The following PAPPA2 variants were observed in gnomAD, a reference collection of about 807,000 sequenced individuals.
PAPPA2 encodes the protein pappalysin-2.
PAPPA2 carries 86 observed loss-of-function variants against 176.4 expected under a neutral mutation model. The observed-to-expected ratio is 0.49, with a 90% CI of 0.41 to 0.58. The LOEUF (loss-of-function observed/expected upper bound fraction) is 0.58. Among genes scored for constraint, PAPPA2 ranks in the 20% least tolerant of loss-of-function variants. The pLI, the probability that PAPPA2 is intolerant of heterozygous loss-of-function variation, is 0.00. For missense variants in PAPPA2, 2,073 were observed against 2,256.9 expected, an observed-to-expected ratio of 0.92 and a Z score of 1.65; for synonymous variants, 809 against 852.2, an observed-to-expected ratio of 0.95 and a Z score of 0.88.
intron 1 of PAPPA2, among the ~76,000 whole-genome samples, chr1:176,481,257 C>CACAG (rs1352013073): frequency 5.1e-5 from 3 of 59,090 alleles, no homozygotes; most frequent in African/African-American, 4.4e-4. Context: ...TTAAAGCACA[C>CACAG]ACACACACAC....
chr1:176,594,158 T>C (rs1653816401), intron 2 of PAPPA2, among the ~76,000 whole-genome samples: 1 of 152,154 alleles, frequency 6.6e-6, no homozygotes, highest in African/African-American at 2.4e-5. Context: ...AAAGCTAGGA[T>C]CAGTGAGGAA....
intron 1 of PAPPA2, among the ~76,000 whole-genome samples, chr1:176,513,410 A>G (rs1166461268): frequency 6.6e-6 from 1 of 151,520 alleles, no homozygotes; most frequent in African/African-American, 2.4e-5. Flanking sequence ...TCTTTCTTAA[A>G]TTGTTTCAAA....
intron 14 of PAPPA2, 104 bp from the exon 15 acceptor site, chr1:176,765,562 G>A (rs927202096): frequency 1.8e-6 from 2 of 1,103,756 alleles, no homozygotes; most frequent in Admixed American, 2.3e-5. Context: ...GGAGAAAATT[G>A]TTCTCTCTGG....
chr1:176,651,291 G>A (rs1269492647), intron 3 of PAPPA2, among the ~76,000 whole-genome samples: 1 of 151,054 alleles, frequency 6.6e-6, no homozygotes, highest in East Asian at 2.0e-4. Context: ...GAACTCTTTA[G>A]CATTTCTTAT....
chr1:176,747,936 A>G (rs542113544), intron 14 of PAPPA2, among the ~76,000 whole-genome samples: 4 of 152,308 alleles, frequency 2.6e-5, no homozygotes, highest in African/African-American at 9.6e-5. Context: ...TCCTTGCCAC[A>G]TAGTCTGCTC....
Position 176,552,662 on chromosome 1 carries a change from TC to T in PAPPA2, c.-916-2743del, listed in dbSNP as rs1453253542. Reference sequence around the variant, plus strand: ...TCCTTGGGCATTTCAGAAATGATATTCCTCCCCCAACTACCCCCGTCAAAAT... The same window carrying T: ...TCCTTGGGCATTTCAGAAATGATATTCTCCCCCAACTACCCCCGTCAAAAT... On this transcript the variant is annotated intron_variant, in intron 1 of 22. Transcript: ENST00000367662. Among the ~76,000 whole-genome samples, 3 of 152,214 alleles carry T rather than the reference TC, an allele frequency of 2.0e-5. No individual in the cohort carries two copies. In the East Asian group the frequency reaches 5.8e-4, roughly 29 times the overall value.
chr1:176,474,869 G>A (rs952222142), intron 1 of PAPPA2, among the ~76,000 whole-genome samples: 8 of 152,128 alleles, frequency 5.3e-5, no homozygotes. Flanking sequence ...TCAAGTCCCA[G>A]AAATTATTAC....
At position 176,746,482 on chromosome 1, in the gene PAPPA2, C is replaced by G. The variant is rs368057637; in HGVS notation, c.4151+6286C>G. Among the ~76,000 whole-genome samples, 12 of 152,252 alleles carry G rather than the reference C, an allele frequency of 7.9e-5. No individual in the cohort carries two copies. In the East Asian group the frequency reaches 2.3e-3, roughly 29 times the overall value. On this transcript the variant is annotated intron_variant, in intron 14 of 22. Transcript: ENST00000367662. ...AGTGCAGTGGCTCGATCTTGGCTCACTGAAAGCTCTGCCTCCCGGGTTCAC... is the reference window on the plus strand; with the variant it reads ...AGTGCAGTGGCTCGATCTTGGCTCAGTGAAAGCTCTGCCTCCCGGGTTCAC...
intron 3 of PAPPA2, among the ~76,000 whole-genome samples, chr1:176,617,911 C>T (rs1400577446): frequency 6.6e-6 from 1 of 152,112 alleles, no homozygotes; most frequent in Non-Finnish European, 1.5e-5. Context: ...GGTGCTCCTT[C>T]TTAGGGAATC....
At chr1:176,705,067 A>G (rs996389972) in intron 9 of PAPPA2, among the ~76,000 whole-genome samples, 1 of 152,138 alleles carries the variant, frequency 6.6e-6, no homozygotes, top group African/African-American at 2.4e-5. Context: ...TTATTCCTGG[A>G]CCCCTTGTAG....
chr1:176,526,670 C>T (rs933423397), intron 1 of PAPPA2, among the ~76,000 whole-genome samples: 1 of 152,188 alleles, frequency 6.6e-6, no homozygotes, highest in Non-Finnish European at 1.5e-5. Context: ...TAAAGCTGCC[C>T]TCCCCTTGTT....
chr1:176,470,360 G>A (rs1372102184), intron 1 of PAPPA2, among the ~76,000 whole-genome samples: 1 of 152,162 alleles, frequency 6.6e-6, no homozygotes. Context: ...TCTCACCTCT[G>A]TCTTCACCTC....
intron 2 of PAPPA2, among the ~76,000 whole-genome samples, chr1:176,570,981 C>T (rs771919671): frequency 2.6e-5 from 4 of 152,242 alleles, no homozygotes; most frequent in Non-Finnish European, 5.9e-5. Flanking sequence ...GTCCAAGCTG[C>T]TTAGCAGTGG....
At chr1:176,671,991 G>A (rs1035033453) in intron 4 of PAPPA2, among the ~76,000 whole-genome samples, 2 of 151,192 alleles carry the variant, frequency 1.3e-5, no homozygotes, top group Non-Finnish European at 1.5e-5. Context: ...CAGCACACCA[G>A]CATGGCACAT....
chr1:176,690,191 T>C lies in PAPPA2; in HGVS notation c.2192T>C (p.Met731Thr). ...YYGMPGHTDT[M>T]IHEVGHVLGL... ...GGGATGCCTGGCCACACCGACACCATGATCCATGAAGTGGGACATGTTCTG... is the reference window on the plus strand; with the variant it reads ...GGGATGCCTGGCCACACCGACACCACGATCCATGAAGTGGGACATGTTCTG... Residue 731 changes from methionine to threonine, a missense_variant, in exon 5 of 23, where the codon ATG becomes ACG. Met to Thr is a moderately conservative substitution (Grantham distance 81). Coordinates refer to ENST00000367662, the MANE Select transcript of PAPPA2 (RefSeq NM_020318.3). The C allele has an allele frequency of 6.2e-7, 1 of 1,614,102 alleles. No individual in the cohort carries two copies. Among genetic ancestry groups the C allele is most frequent in the Non-Finnish European group, 8.5e-7 (1 of 1,179,952 alleles).
chr1:176,767,378 C>T (rs1041712092), intron 15 of PAPPA2, among the ~76,000 whole-genome samples: 4 of 152,086 alleles, frequency 2.6e-5, no homozygotes, highest in East Asian at 1.9e-4. Flanking sequence ...CTCGCTCTGT[C>T]GCCCAGGCTG....
chr1:176,582,444 C>G (rs552022872), intron 2 of PAPPA2, among the ~76,000 whole-genome samples: 2 of 152,142 alleles, frequency 1.3e-5, no homozygotes, highest in Admixed American at 1.3e-4. Context: ...ACGATATTAG[C>G]GGTCACTTAT....
At chr1:176,643,323 G>A (rs959514445) in intron 3 of PAPPA2, among the ~76,000 whole-genome samples, 2 of 151,514 alleles carry the variant, frequency 1.3e-5, no homozygotes, top group Admixed American at 6.6e-5. Flanking sequence ...GTAGAAAAGA[G>A]ATTAGTGAAT....
At chr1:176,690,065 A>C in intron 4 of PAPPA2, 72 bp from the exon 5 acceptor site, 1 of 1,331,670 alleles carries the variant, frequency 7.5e-7, no homozygotes, top group Non-Finnish European at 1.0e-6. Flanking sequence ...GATGTTTATC[A>C]GAAAACATAA....
Sources: gnomAD v4.1 joint callset for allele counts (sites outside exome capture counted in the v4.1 genomes callset) on GRCh38, gnomAD v4.1.1 for gene constraint, MANE v1.5 for transcripts, NCBI Gene and HGNC (gene_info 2026-07-23, HGNC 2026-07-21) for gene names.